Variants in KIRREL3 observed in about 807,000 individuals in gnomAD.
KIRREL3 encodes the protein kin of IRRE-like protein 3.
Under a neutral mutation model 89.7 loss-of-function variants are expected in KIRREL3, and 36 were observed. That is an observed-to-expected ratio of 0.40 (90% CI 0.31 to 0.53). The LOEUF is 0.53. Among genes scored for constraint, KIRREL3 ranks in the 20% least tolerant of loss-of-function variants. KIRREL3 has a pLI of 0.49. For missense variants in KIRREL3, 864 were observed against 1,056.6 expected, an observed-to-expected ratio of 0.82 and a Z score of 2.53; for synonymous variants, 445 against 441.4, an observed-to-expected ratio of 1.01 and a Z score of -0.10.
At chr11:126,632,779 G>A (rs1235487370) in intron 1 of KIRREL3, among the ~76,000 whole-genome samples, 1 of 141,568 alleles carries the variant, frequency 7.1e-6, no homozygotes, top group Non-Finnish European at 1.5e-5. Context: ...CCAGGCACTT[G>A]GAGTCTAAAC....
At chr11:126,799,141 T>G (rs1457468103) in intron 1 of KIRREL3, among the ~76,000 whole-genome samples, 1 of 138,764 alleles carries the variant, frequency 7.2e-6, no homozygotes. Flanking sequence ...CATGTACCTG[T>G]GTGTGCATGT....
Position 126,436,885 on chromosome 11 carries a change from A to C in KIRREL3, c.1478T>G (p.Phe493Cys). ...LTISNIVRAD[F>C]QTIYNCTAWN... ...GGCCGTGCAGTTGTAGATGGTCTGGAAGTCGGCCCGCACGATGTTGCTGAT... is the reference window on the plus strand; with the variant it reads ...GGCCGTGCAGTTGTAGATGGTCTGGCAGTCGGCCCGCACGATGTTGCTGAT... Residue 493 changes from phenylalanine to cysteine, a missense_variant, in exon 12 of 17, where the codon TTC (phenylalanine) becomes TGC (cysteine). Coordinates refer to ENST00000525144, the MANE Select transcript of KIRREL3 (RefSeq NM_032531.4). 1 of 1,613,646 alleles carries C rather than the reference A, an allele frequency of 6.2e-7. No individual in the cohort carries two copies. The highest frequency in any genetic ancestry group is 8.5e-7 in the Non-Finnish European group (1 of 1,179,844).
At chr11:126,960,493 T>C (rs771046960) in intron 1 of KIRREL3, among the ~76,000 whole-genome samples, 9 of 152,180 alleles carry the variant, frequency 5.9e-5, no homozygotes, top group Non-Finnish European at 1.2e-4. Flanking sequence ...AGAGCAAAAC[T>C]CCTGAAGATC....
rs1021045618 is a variant in KIRREL3 at position 126,570,459 on chromosome 11, A to G, written c.56-7547T>C. 2.0e-5 allele frequency among the ~76,000 whole-genome samples: 3 copies of G among 152,190 alleles called. No homozygotes were observed. ...TAACATTTCATGTCAAGTTATTGTC[A>G]GTTAGGAAGAGTTGACAATCATTTG... On this transcript the variant is annotated intron_variant, in intron 1 of 16. Transcript: ENST00000525144. This position sits in a 1 kb window ranked among gnomAD's most constrained non-coding sequence, Gnocchi z 6.1.
chr11:126,708,908 G>A lies in KIRREL3; in HGVS notation c.56-145996C>T, dbSNP rs1591996978. ...CATATCCAAACTGTCATTAAACTCA[G>A]TGTTTCTTCCTTCAGGCTGTTTCTT... On this transcript the variant is annotated intron_variant, in intron 1 of 16. Coordinates refer to ENST00000525144, the MANE Select transcript of KIRREL3 (RefSeq NM_032531.4). The surrounding 1 kb of genome is among the most constrained non-coding windows in gnomAD (Gnocchi z 5.7). Among the ~76,000 whole-genome samples, 1 of 152,178 alleles carries A rather than the reference G, an allele frequency of 6.6e-6. No individual in the cohort carries two copies. The highest frequency in any genetic ancestry group is 1.9e-4 in the East Asian group (1 of 5,188).
intron 1 of KIRREL3, among the ~76,000 whole-genome samples, chr11:126,979,625 A>G (rs7931866): frequency 0.15 from 22,661 of 152,222 alleles, 1,962 homozygotes; most frequent in East Asian, 0.28. Flanking sequence ...ATTATCCACT[A>G]GAGAGATGAC....
chr11:126,473,761 CTCTGTGGCCCAGGCGATG>C (rs1956993541), intron 4 of KIRREL3, among the ~76,000 whole-genome samples: 1 of 152,136 alleles, frequency 6.6e-6, no homozygotes. Flanking sequence ...AGAAGCAGAG[CTCTGTGGCCCAGGCGATG>C]TCTGTGGCTG....
Position 126,601,954 on chromosome 11 carries a change from G to A in KIRREL3, c.56-39042C>T, listed in dbSNP as rs551627486. ...AGATGAAACAAGGTCACCTGAGGCC[G>A]CCTCTTTGATTTGCCTGACAGAGTC... On this transcript the variant is annotated intron_variant, in intron 1 of 16. Coordinates refer to ENST00000525144, the MANE Select transcript of KIRREL3 (RefSeq NM_032531.4). The surrounding 1 kb of genome is among the most constrained non-coding windows in gnomAD (Gnocchi z 5.8). Among the ~76,000 whole-genome samples the A allele has an allele frequency of 6.6e-6, 1 of 152,156 alleles. No individual in the cohort carries two copies.
At chr11:126,456,211 G>A in intron 7 of KIRREL3, 138 bp downstream of exon 7, 3 of 623,974 alleles carry the variant, frequency 4.8e-6, no homozygotes, top group Non-Finnish European at 8.6e-6. Flanking sequence ...TAAGAGGAAG[G>A]GAAGAAGGCT....
chr11:126,777,715 T>G (rs1950209542), intron 1 of KIRREL3, among the ~76,000 whole-genome samples: 1 of 152,170 alleles, frequency 6.6e-6, no homozygotes, highest in South Asian at 2.1e-4. Flanking sequence ...CTATCACTGG[T>G]TTACCATCTG....
chr11:126,754,507 G>T lies in KIRREL3; in HGVS notation c.56-191595C>A, dbSNP rs1013461151. Among the ~76,000 whole-genome samples, 1 of 152,098 alleles carries T rather than the reference G, an allele frequency of 6.6e-6. No individual in the cohort carries two copies. Among genetic ancestry groups the T allele is most frequent in the East Asian group, 1.9e-4 (1 of 5,196 alleles). ...AAAATATCAGAACAAAATGGGCAGA[G>T]TCTACTTGGTTTAAGGCCTACAAAC... On this transcript the variant is annotated intron_variant, in intron 1 of 16. Transcript: ENST00000525144. This position sits in a 1 kb window ranked among gnomAD's most constrained non-coding sequence, Gnocchi z 5.1.
At position 126,796,507 on chromosome 11, in the gene KIRREL3, T is replaced by G. The variant is rs1195808646; in HGVS notation, c.55+203948A>C. Among the ~76,000 whole-genome samples the G allele has an allele frequency of 6.6e-6, 1 of 152,130 alleles. No homozygotes were observed. The highest frequency in any genetic ancestry group is 2.1e-4 in the South Asian group (1 of 4,814). On this transcript the variant is annotated intron_variant, in intron 1 of 16. Coordinates refer to ENST00000525144, the MANE Select transcript of KIRREL3 (RefSeq NM_032531.4). This position sits in a 1 kb window ranked among gnomAD's most constrained non-coding sequence, Gnocchi z 5.1. ...CTTGAATGGTGCGATTTGAAAAGCC[T>G]CCAGTATCTGCTGCTGACATCTGAA...
chr11:126,887,172 T>C (rs929249537), intron 1 of KIRREL3, among the ~76,000 whole-genome samples: 4 of 152,146 alleles, frequency 2.6e-5, no homozygotes, highest in Non-Finnish European at 4.4e-5. Context: ...TTGGAAATGA[T>C]TGCTTCTGAA....
intron 1 of KIRREL3, among the ~76,000 whole-genome samples, chr11:126,863,462 CGTGTGT>C (rs72096305): frequency 3.0e-5 from 4 of 132,426 alleles, no homozygotes; most frequent in African/African-American, 8.8e-5. Flanking sequence ...TGTTTGAGTG[CGTGTGT>C]GTGTGAGTGC....
intron 1 of KIRREL3, among the ~76,000 whole-genome samples, chr11:126,863,816 C>T (rs1944831171): frequency 6.6e-6 from 1 of 152,146 alleles, no homozygotes; most frequent in East Asian, 1.9e-4. Flanking sequence ...TGGGGAACCC[C>T]AAGTAGGTGG....
At chr11:126,841,786 C>A (rs1470785509) in intron 1 of KIRREL3, among the ~76,000 whole-genome samples, 1 of 152,208 alleles carries the variant, frequency 6.6e-6, no homozygotes, top group Non-Finnish European at 1.5e-5. Flanking sequence ...TTGTTGTTGG[C>A]AGTGGTCTTC....
rs1938378971 is a variant in KIRREL3, at chr11:126,541,686, A to C, written c.134-14999T>G. Among the ~76,000 whole-genome samples the C allele has an allele frequency of 6.6e-6, 1 of 152,136 alleles. No homozygotes were observed. The highest frequency in any genetic ancestry group is 2.1e-4 in the South Asian group (1 of 4,830). ...CTCTGAGCTGGGTCAAGGAATCTGC[A>C]TTTTAATAGCTTCTGGGTCATCCTT... On this transcript the variant is annotated intron_variant, in intron 2 of 16. Coordinates refer to ENST00000525144, the MANE Select transcript of KIRREL3 (RefSeq NM_032531.4). This position sits in a 1 kb window ranked among gnomAD's most constrained non-coding sequence, Gnocchi z 4.8.
At position 126,454,352 on chromosome 11, in the gene KIRREL3, T is replaced by C. The variant is rs1226221962; in HGVS notation, c.848+1997A>G. ...CCCTGCTGTCTGCCCAGCCTACCCA[T>C]CACTAGGACCCCAGGTGACCAGAGC... is the stretch of plus-strand genomic sequence containing the variant. On this transcript the variant is annotated intron_variant, in intron 7 of 16. Transcript: ENST00000525144. The surrounding 1 kb of genome is among the most constrained non-coding windows in gnomAD (Gnocchi z 5.8). Among the ~76,000 whole-genome samples, 4 of 152,032 alleles carry C rather than the reference T, an allele frequency of 2.6e-5. No homozygotes were observed. The highest frequency in any genetic ancestry group is 4.8e-5 in the African/African-American group (2 of 41,388).
chr11:126,530,911 AC>A lies in KIRREL3; in HGVS notation c.134-4225del, dbSNP rs1446484206. On this transcript the variant is annotated intron_variant, in intron 2 of 16. Transcript: ENST00000525144. The surrounding 1 kb of genome is among the most constrained non-coding windows in gnomAD (Gnocchi z 5.8). ...AGTGGTGCGATCTCCGCTCATTGCAACCTTTGCCTCCCGGGTTCAAGCGATT... is the reference window on the plus strand; with the variant it reads ...AGTGGTGCGATCTCCGCTCATTGCAACTTTGCCTCCCGGGTTCAAGCGATT... 6.6e-6 allele frequency among the ~76,000 whole-genome samples: 1 copy of A among 151,714 alleles called. No homozygotes were observed. Among genetic ancestry groups the A allele is most frequent in the African/African-American group, 2.4e-5 (1 of 41,250 alleles).
Sources: gnomAD v4.1 joint callset for allele counts (sites outside exome capture counted in the v4.1 genomes callset) on GRCh38, gnomAD v4.1.1 for gene constraint, Gnocchi (gnomAD v3.1) non-coding constraint, MANE v1.5 for transcripts, NCBI Gene and HGNC (gene_info 2026-07-23, HGNC 2026-07-21) for gene names.